The following ADGRE2 variants were observed in gnomAD, a reference collection of about 807,000 sequenced individuals.
ADGRE2 encodes the protein adhesion G protein-coupled receptor E2, also known as CD97 antigen.
A neutral mutation model predicts 100.8 loss-of-function variants in ADGRE2; 83 were observed. That is an observed-to-expected ratio of 0.82 (90% CI 0.69 to 0.99). The LOEUF is 0.99. Among genes scored for constraint, ADGRE2 ranks in the 50% least tolerant of loss-of-function variants. The pLI, the probability that ADGRE2 is intolerant of heterozygous loss-of-function variation, is 0.00. For synonymous variants in ADGRE2, 355 were observed against 413.0 expected (o/e 0.86, Z 1.70); for missense variants, 814 against 1,035.7 (o/e 0.79, Z 2.94).
Position 14,763,648 on chromosome 19 carries a change from G to A in ADGRE2, c.1084+785C>T, listed in dbSNP as rs922574826. 1.7e-4 allele frequency among the ~76,000 whole-genome samples: 8 copies of A among 46,584 alleles called. No homozygotes were observed. In the South Asian group the frequency reaches 2.8e-3, roughly 16 times the overall value. 30.6% of individuals were successfully genotyped at this position (46,584 alleles called of 152,430 possible). On this transcript the variant is annotated intron_variant, in intron 11 of 20. Transcript: ENST00000315576. ...TCCTCCTCCTCTCCTCCTCTCCTCCGCTCTTTCTCGTCTCCTCCTCCTCTC... is the reference window on the plus strand; with the variant it reads ...TCCTCCTCCTCTCCTCCTCTCCTCCACTCTTTCTCGTCTCCTCCTCCTCTC...
chr19:14,772,889 G>A (rs2044261624), intron 4 of ADGRE2, among the ~76,000 whole-genome samples: 1 of 150,572 alleles, frequency 6.6e-6, no homozygotes, highest in Non-Finnish European at 1.5e-5. Flanking sequence ...AGACCAGCCT[G>A]CCAACAGGGC....
chr19:14,759,503 A>ATATATATATATATATATATATATATATT (rs60789454), intron 11 of ADGRE2, among the ~76,000 whole-genome samples: 16 of 133,362 alleles, frequency 1.2e-4, no homozygotes, highest in African/African-American at 4.8e-4. Context: ...ATATATATAT[A>ATATATATATATATATATATATATATATT]TTTTTTTTTT....
rs1169790718 is a variant in ADGRE2 at position 14,733,950 on chromosome 19, A to G, written c.*2286T>C. ...CTCCAAAGCCCCTAAATCAATACTC[A>G]TTGAGCTTATACGGACAGGCACAGA... On this transcript the variant is annotated 3_prime_UTR_variant, in exon 21 of 21. Transcript: ENST00000315576. 6.6e-6 allele frequency: 1 copy of G among 152,178 alleles called. No homozygotes were observed. The highest frequency in any genetic ancestry group is 1.5e-5 in the Non-Finnish European group (1 of 68,038). 9.4% of individuals were successfully genotyped at this position (152,178 alleles called of 1,614,324 possible).
chr19:14,774,779 T>G (rs896494559), intron 2 of ADGRE2, among the ~76,000 whole-genome samples: 2 of 149,330 alleles, frequency 1.3e-5, no homozygotes, highest in Non-Finnish European at 3.0e-5. Context: ...GTTCAAGCAA[T>G]TCTCCTGCCT....
chr19:14,764,699 T>G, intron 10 of ADGRE2, 89 bp from the exon 11 acceptor site: 1 of 1,333,482 alleles, frequency 7.5e-7, no homozygotes. Flanking sequence ...GAACAGATCC[T>G]AGAGACTGTC....
intron 1 of ADGRE2, chr19:14,777,147 G>A: frequency 2.1e-6 from 2 of 970,220 alleles, no homozygotes; most frequent in Non-Finnish European, 2.5e-6. Context: ...GGGAAGGTGT[G>A]GCAGCCGGGC....
At position 14,772,390 on chromosome 19, in the gene ADGRE2, C is replaced by A; in HGVS notation, c.307G>T (p.Val103Phe). The change falls in exon 5 of 21, where the codon GTT (valine) becomes TTT (phenylalanine). Residue 103 changes from valine (V) to phenylalanine (F), a missense_variant. By Grantham distance (50) the Val-to-Phe change is conservative (BLOSUM62 -1). This residue lies in a region of ADGRE2 where 143 missense variants were observed against 160.3 expected (regional missense o/e 0.89). Coordinates refer to ENST00000315576, the MANE Select transcript of ADGRE2 (RefSeq NM_013447.4). ...TTCTTGAATGTTTTTGCCCCAGAAACAGGCTCATATCCTGGGCTGCACACG... is the reference window on the plus strand; with the variant it reads ...TTCTTGAATGTTTTTGCCCCAGAAAAAGGCTCATATCCTGGGCTGCACACG... ...DCVCSPGYEP[V>F]SGAKTFKNES... 6.2e-7 allele frequency: 1 copy of A among 1,614,110 alleles called. No homozygotes were observed. The highest frequency in any genetic ancestry group is 8.5e-7 in the Non-Finnish European group (1 of 1,180,028).
downstream of ADGRE2, among the ~76,000 whole-genome samples, chr19:14,729,227 C>A (rs1465014312): frequency 6.6e-6 from 1 of 152,192 alleles, no homozygotes; most frequent in Non-Finnish European, 1.5e-5. Context: ...GGTTTCTCAA[C>A]TGTGACCTTA....
chr19:14,747,224 G>A (rs1430031860), intron 16 of ADGRE2, among the ~76,000 whole-genome samples: 1 of 152,158 alleles, frequency 6.6e-6, no homozygotes, highest in East Asian at 1.9e-4. Context: ...AAAATGGAAG[G>A]TTGTGCCAGG....
chr19:14,766,797 G>A (rs1427422156), intron 6 of ADGRE2, among the ~76,000 whole-genome samples, 181 bp downstream of exon 6: 3 of 152,198 alleles, frequency 2.0e-5, no homozygotes, highest in South Asian at 2.1e-4. Flanking sequence ...AGGCCCTGCC[G>A]CCTCCCTGCC....
At chr19:14,774,382 GGGAGGAGGATGCTGACCCCTCTCA>G (rs2044338975) in intron 2 of ADGRE2, 76 bp from the exon 3 acceptor site, 2 of 1,420,288 alleles carry the variant, frequency 1.4e-6, no homozygotes, top group Admixed American at 4.5e-5. Flanking sequence ...TGCACTTTGT[GGGAGGAGGATGCTGACCCCTCTCA>G]GGCTCAGATC....
chr19:14,760,274 C>T (rs543729890), intron 11 of ADGRE2, among the ~76,000 whole-genome samples: 1 of 152,230 alleles, frequency 6.6e-6, no homozygotes, highest in East Asian at 1.9e-4. Context: ...CTGACTTGAT[C>T]GTTACACATT....
At position 14,743,732 on chromosome 19, in the gene ADGRE2, A is replaced by T; in HGVS notation, c.2236T>A (p.Cys746Ser). The T allele has an allele frequency of 6.2e-7, 1 of 1,614,174 alleles. No homozygotes were observed. The highest frequency in any genetic ancestry group is 8.5e-7 in the Non-Finnish European group (1 of 1,180,028). The change falls in exon 19 of 21, where the codon TGT (cysteine) becomes AGT (serine). Residue 746 changes from cysteine to serine, a missense_variant. Cys to Ser is a moderately radical substitution (Grantham distance 112, BLOSUM62 -1). Around this residue, in one of 5 missense-constraint regions of ADGRE2, gnomAD observed 569 missense variants for 692.7 expected, o/e 0.82. Coordinates refer to ENST00000315576, the MANE Select transcript of ADGRE2 (RefSeq NM_013447.4). Reference protein sequence around the residue: ...AQLFILGCTWCLGILQVGPAA... With the variant: ...AQLFILGCTWSLGILQVGPAA... Reference sequence around the variant, plus strand: ...GGACCCACCTGCAAGATGCCCAGACACCACGTGCAGCCCAGGATGAACAGC... The same window carrying T: ...GGACCCACCTGCAAGATGCCCAGACTCCACGTGCAGCCCAGGATGAACAGC...
intron 20 of ADGRE2, among the ~76,000 whole-genome samples, chr19:14,742,421 G>A (rs553436207): frequency 3.3e-4 from 50 of 152,204 alleles, no homozygotes; most frequent in Middle Eastern, 3.4e-3. Context: ...TTATAGGGAC[G>A]AGGTGTCACT....
chr19:14,755,452 C>T lies in ADGRE2; in HGVS notation c.1416+202G>A, dbSNP rs575174498. ...TGGCTGACACAGCGAGACTCTGTCT[C>T]AATAAAAAAAAGAACACAGGTGTGA... On this transcript the variant is annotated intron_variant, in intron 13 of 20. Transcript: ENST00000315576. 1.6e-4 allele frequency among the ~76,000 whole-genome samples: 24 copies of T among 151,796 alleles called. No individual in the cohort carries two copies. In the East Asian group the frequency reaches 4.3e-3, roughly 27 times the overall value.
At position 14,757,392 on chromosome 19, in the gene ADGRE2, G is replaced by A. The variant is rs61233869; in HGVS notation, c.1085-1047C>T. Among the ~76,000 whole-genome samples the A allele has an allele frequency of 2.2e-3, 221 of 98,714 alleles. 1 individual carries two copies. Among genetic ancestry groups the A allele is most frequent in the African/African-American group, 0.011 (213 of 19,566 alleles). The allele number at this position is 98,714 out of a possible 152,430, so 64.8% of individuals were successfully genotyped here. A position where few individuals can be genotyped will look rare whatever the true frequency, so the allele number is the denominator to read the frequency against. On this transcript the variant is annotated intron_variant, in intron 11 of 20. Coordinates refer to ENST00000315576, the MANE Select transcript of ADGRE2 (RefSeq NM_013447.4). ...GAAAAGTTCATCTTAAAATTCATAT[G>A]GTGTTGTAAGGAATCCAAATACCCA...
At chr19:14,725,945 G>A in the ADGRE2 span, among the ~76,000 whole-genome samples, 2 of 152,324 alleles carry the variant, frequency 1.3e-5, no homozygotes, top group Non-Finnish European at 2.9e-5. Context: ...AGGGATTCTT[G>A]TGGGGGTACG....
intron 11 of ADGRE2, 58 bp downstream of exon 11, chr19:14,764,375 A>C: frequency 6.4e-7 from 1 of 1,557,190 alleles, no homozygotes; most frequent in African/African-American, 1.4e-5. Context: ...TGGGACTGGG[A>C]AAGGAAGGAG....
Position 14,752,491 on chromosome 19 carries a change from C to G in ADGRE2, c.1626G>C (p.Met542Ile), listed in dbSNP as rs1323349089. 3 of 1,614,128 alleles carry G rather than the reference C, an allele frequency of 1.9e-6. No homozygotes were observed. The highest frequency in any genetic ancestry group is 1.6e-4 in the Middle Eastern group (1 of 6,062). The part of the protein sequence containing the change: ...EDPVLTVITY[M>I]GLSVSLLCLL... The stretch of plus-strand genomic sequence containing the variant: ...GGCACAGCAGAGAGACGCTCAGCCC[C>G]ATGTAGGTGATGACAGTCAGCACGG... The change falls in exon 15 of 21, where the codon ATG (methionine) becomes ATC (isoleucine). Residue 542 changes from methionine to isoleucine, a missense_variant. Met to Ile is a conservative substitution (Grantham distance 10, BLOSUM62 1). Transcript: ENST00000315576.
Sources: allele counts gnomAD v4.1 joint callset (sites outside exome capture counted in the v4.1 genomes callset), GRCh38; gene constraint gnomAD v4.1.1; regional missense constraint gnomAD v4.1.1; transcripts MANE v1.5; gene names NCBI Gene and HGNC (gene_info 2026-07-23, HGNC 2026-07-21).